Variants in SSBP2 observed in about 807,000 individuals in gnomAD.
SSBP2 encodes the protein single stranded DNA binding protein 2, also known as single-stranded DNA-binding protein 2.
In SSBP2, 17 loss-of-function variants were observed where a neutral mutation model predicts 61.8. The observed-to-expected ratio is 0.28, with a 90% confidence interval of 0.19 to 0.41. The LOEUF (loss-of-function observed/expected upper bound fraction) is 0.41. SSBP2 is among the 10% of genes least tolerant of loss of function. SSBP2 has a pLI of 1.00. For synonymous variants in SSBP2, 139 were observed against 141.3 expected (o/e 0.98, Z 0.12); for missense variants, 310 against 458.7 (o/e 0.68, Z 2.96).
At chr5:81,633,771 C>T (rs1046140605) in intron 3 of SSBP2, among the ~76,000 whole-genome samples, 7 of 152,168 alleles carry the variant, frequency 4.6e-5, no homozygotes, top group African/African-American at 1.7e-4. Context: ...AGGGCCTTAA[C>T]AGCTGAACTC....
At chr5:81,712,253 G>C (rs1754843128) in intron 1 of SSBP2, among the ~76,000 whole-genome samples, 1 of 151,570 alleles carries the variant, frequency 6.6e-6, no homozygotes, top group Non-Finnish European at 1.5e-5. Flanking sequence ...GGATTCCAAA[G>C]CACTGCTGGC....
At chr5:81,542,829 C>CTCTCTCTT (rs68048115) in intron 4 of SSBP2, among the ~76,000 whole-genome samples, 40,232 of 146,804 alleles carry the variant, frequency 0.27, 6,086 homozygotes, top group Middle Eastern at 0.39. Context: ...CTCTCTCTCT[C>CTCTCTCTT]TCTCTCTCTC....
At chr5:81,710,629 C>G (rs115785067) in intron 1 of SSBP2, 3 of 448,094 alleles carry the variant, frequency 6.7e-6, no homozygotes, top group African/African-American at 2.0e-5. Flanking sequence ...AAGCACAAAC[C>G]TACAAATAGG....
chr5:81,423,329 G>A (rs148980787), intron 16 of SSBP2, among the ~76,000 whole-genome samples: 114 of 152,284 alleles, frequency 7.5e-4, no homozygotes, highest in African/African-American at 2.6e-3. Context: ...AATTAATAGG[G>A]CAGCTAGATA....
At chr5:81,534,165 T>C (rs1260177660) in intron 4 of SSBP2, among the ~76,000 whole-genome samples, 1 of 152,036 alleles carries the variant, frequency 6.6e-6, no homozygotes, top group Non-Finnish European at 1.5e-5. Flanking sequence ...AATTTCACAG[T>C]CCACAGGCAC....
intron 1 of SSBP2, among the ~76,000 whole-genome samples, chr5:81,725,258 T>C: frequency 6.6e-6 from 1 of 151,842 alleles, no homozygotes; most frequent in East Asian, 1.9e-4. Context: ...AGAAAACAAA[T>C]ACGTGAAGAG....
chr5:81,648,504 G>A (rs141917122), intron 2 of SSBP2, among the ~76,000 whole-genome samples: 41 of 152,132 alleles, frequency 2.7e-4, no homozygotes, highest in African/African-American at 9.6e-4. Context: ...TTTACTTTGA[G>A]CTGCAGCTAA....
intron 16 of SSBP2, among the ~76,000 whole-genome samples, chr5:81,426,995 C>A (rs146193577): frequency 6.6e-6 from 1 of 152,180 alleles, no homozygotes; most frequent in East Asian, 1.9e-4. Context: ...TTGGGTTGCA[C>A]TCTTTGAAAG....
At chr5:81,635,517 G>A (rs1249954340) in intron 3 of SSBP2, among the ~76,000 whole-genome samples, 3 of 151,768 alleles carry the variant, frequency 2.0e-5, no homozygotes, top group Admixed American at 2.0e-4. Flanking sequence ...GCATGCCAAC[G>A]CTTATAATTA....
chr5:81,635,670 G>A (rs1243787952), intron 3 of SSBP2, among the ~76,000 whole-genome samples: 2 of 148,404 alleles, frequency 1.3e-5, no homozygotes, highest in African/African-American at 2.5e-5. Flanking sequence ...TGCAAGCTCC[G>A]CCTCCCGGGT....
chr5:81,475,682 A>C (rs1765537751), intron 6 of SSBP2, among the ~76,000 whole-genome samples: 1 of 152,088 alleles, frequency 6.6e-6, no homozygotes, highest in Non-Finnish European at 1.5e-5. Context: ...ACAAAATAAA[A>C]ACTAAACTGA....
intron 4 of SSBP2, among the ~76,000 whole-genome samples, chr5:81,590,594 C>T (rs1449624743): frequency 6.6e-6 from 1 of 152,202 alleles, no homozygotes; most frequent in East Asian, 1.9e-4. Context: ...AGGGGGAATG[C>T]TCGTCCATTC....
chr5:81,486,372 A>G (rs1357517008), intron 6 of SSBP2, among the ~76,000 whole-genome samples: 1 of 152,190 alleles, frequency 6.6e-6, no homozygotes, highest in Admixed American at 6.6e-5. Flanking sequence ...TATGGAACCT[A>G]GGATAGTATC....
intron 6 of SSBP2, among the ~76,000 whole-genome samples, chr5:81,484,101 C>G (rs1043990734): frequency 6.6e-6 from 1 of 152,108 alleles, no homozygotes; most frequent in East Asian, 1.9e-4. Flanking sequence ...ACCTGGGACA[C>G]AGTAAACCTC....
chr5:81,448,806 G>A lies in SSBP2; in HGVS notation c.707C>T (p.Ser236Phe). ...TGTACTTACTACATAATTCCCAGGA[G>A]ATGCTGAGGAGTATGGTATCTGGAA... Residue 236 changes from serine (S) to phenylalanine (F), a missense_variant, in exon 11 of 17, where the codon TCT becomes TTT. Ser to Phe is a radical substitution (Grantham distance 155, BLOSUM62 -2). Coordinates refer to ENST00000320672, the MANE Select transcript of SSBP2 (RefSeq NM_012446.5). 2 of 1,613,128 alleles carry A rather than the reference G, an allele frequency of 1.2e-6. No homozygotes were observed. Among genetic ancestry groups the A allele is most frequent in the Non-Finnish European group, 1.7e-6 (2 of 1,179,642 alleles).
At chr5:81,637,363 T>C (rs1322851104) in intron 2 of SSBP2, among the ~76,000 whole-genome samples, 1 of 152,368 alleles carries the variant, frequency 6.6e-6, no homozygotes, top group East Asian at 1.9e-4. Flanking sequence ...ATTGATTTTA[T>C]GTAACTTCTG....
At chr5:81,467,139 A>C in intron 8 of SSBP2, 74 bp from the exon 9 acceptor site, 1 of 920,564 alleles carries the variant, frequency 1.1e-6, no homozygotes, top group East Asian at 2.5e-5. Context: ...ATTTCCCTAC[A>C]TAACTCCAAT....
intron 10 of SSBP2, among the ~76,000 whole-genome samples, chr5:81,454,901 A>C (rs1184251859): frequency 6.6e-6 from 1 of 152,088 alleles, no homozygotes; most frequent in Non-Finnish European, 1.5e-5. Flanking sequence ...AATATGACAC[A>C]ATTAGCTGAT....
intron 4 of SSBP2, among the ~76,000 whole-genome samples, chr5:81,542,337 C>T (rs571706699): frequency 7.2e-5 from 11 of 152,142 alleles, no homozygotes; most frequent in South Asian, 2.1e-4. Flanking sequence ...GTTCAGCCAC[C>T]GTGGAAAGCA....
Sources: allele counts gnomAD v4.1 joint callset (sites outside exome capture counted in the v4.1 genomes callset), GRCh38; gene constraint gnomAD v4.1.1; transcripts MANE v1.5; gene names NCBI Gene and HGNC (gene_info 2026-07-23, HGNC 2026-07-21).